The following SAP130 variants were observed in gnomAD, a reference collection of about 807,000 sequenced individuals.
The protein encoded by SAP130 is histone deacetylase complex subunit SAP130.
Under a neutral mutation model 103.2 loss-of-function variants are expected in SAP130, and 16 were observed. The ratio of observed to expected loss-of-function variants is 0.16; its 90% CI spans 0.10 to 0.24. The LOEUF (loss-of-function observed/expected upper bound fraction) is 0.24, where lower values mean the gene tolerates loss of function less well. Ranked by LOEUF, SAP130 falls within the 10% of genes least tolerant of loss-of-function variation. The pLI is 1.00. For missense variants in SAP130, 990 were observed against 1,359.7 expected (o/e 0.73, Z 4.28); for synonymous variants, 477 against 497.0 (o/e 0.96, Z 0.53).
chr2:127,998,220 C>T (rs4662764), intron 10 of SAP130, among the ~76,000 whole-genome samples: 59,783 of 152,058 alleles, frequency 0.39, 14,297 homozygotes, highest in Non-Finnish European at 0.52. Flanking sequence ...AAAACTTATC[C>T]CTATTTTCTG....
In SAP130 at chr2:127,955,057, A is replaced by G; in HGVS notation, c.2351T>C (p.Leu784Ser). 1.2e-6 allele frequency: 2 copies of G among 1,614,112 alleles called. No individual in the cohort carries two copies. Among genetic ancestry groups the G allele is most frequent in the Non-Finnish European group, 1.7e-6 (2 of 1,179,990 alleles). The change falls in exon 16 of 21, where the codon TTG becomes TCG. Residue 784 changes from leucine (L) to serine (S), a missense_variant. Leu to Ser is a moderately radical substitution (Grantham distance 145, BLOSUM62 -2). This residue lies in a region of SAP130 where 349 missense variants were observed against 384.1 expected (regional missense o/e 0.91). Transcript: ENST00000643581. The surrounding 1 kb of genome is among the most constrained non-coding windows in gnomAD (Gnocchi z 4.9). ...VTVGGSLSSV[L>S]GPPVPEIKVK... ...TTTAATTTCAGGAACGGGAGGGCCC[A>G]AGACGGAGGAAAGACTGCCACCCAC...
chr2:128,023,930 C>T (rs549962786), intron 2 of SAP130, among the ~76,000 whole-genome samples: 44,281 of 151,750 alleles, frequency 0.29, 7,330 homozygotes, highest in African/African-American at 0.47. Context: ...TAATAATATT[C>T]TCTAGAATAT....
intron 15 of SAP130, among the ~76,000 whole-genome samples, chr2:127,977,423 A>G (rs767235597): frequency 6.6e-6 from 1 of 151,722 alleles, no homozygotes; most frequent in Non-Finnish European, 1.5e-5. Context: ...TTGCTTGAAC[A>G]TGGGAGGCCG....
At chr2:128,015,544 T>TC (rs1684711380) in intron 4 of SAP130, among the ~76,000 whole-genome samples, 1 of 152,104 alleles carries the variant, frequency 6.6e-6, no homozygotes. Flanking sequence ...TTAGTTTTTT[T>TC]CCCCAGGTAA....
At position 127,955,379 on chromosome 2, in the gene SAP130, A is replaced by G. The variant is rs546701840; in HGVS notation, c.2064-35T>C. On this transcript the variant is annotated intron_variant, in intron 15 of 20. Transcript: ENST00000643581. This position sits in a 1 kb window ranked among gnomAD's most constrained non-coding sequence, Gnocchi z 4.9. ...AAAAGAAAAGCACATGTAGCAAATAAGAAAAAAACTGCCTTCATCTACAAC... is the reference window on the plus strand; with the variant it reads ...AAAAGAAAAGCACATGTAGCAAATAGGAAAAAAACTGCCTTCATCTACAAC... 2 of 1,443,798 alleles carry G rather than the reference A, an allele frequency of 1.4e-6. No individual in the cohort carries two copies. The highest frequency in any genetic ancestry group is 2.7e-5 in the South Asian group (2 of 74,000). The allele number at this position is 1,443,798 out of a possible 1,614,324, so 89.4% of individuals were successfully genotyped here.
chr2:127,998,221 C>T (rs947001679), intron 10 of SAP130, among the ~76,000 whole-genome samples: 1 of 152,158 alleles, frequency 6.6e-6, no homozygotes, highest in Admixed American at 6.5e-5. Flanking sequence ...AAACTTATCC[C>T]TATTTTCTGA....
In SAP130 at chr2:127,987,386, G is replaced by A. The variant is rs377416484; in HGVS notation, c.1781-424C>T. On this transcript the variant is annotated intron_variant, in intron 13 of 20. Coordinates refer to ENST00000643581, the MANE Select transcript of SAP130 (RefSeq NM_001330301.2). The stretch of plus-strand genomic sequence containing the variant: ...TTTTTAGTAGAGACGGGGTTTCACC[G>A]TGTTGGCCAGGCTAGTCTCGAATTC... Among the ~76,000 whole-genome samples the A allele has an allele frequency of 4.9e-3, 740 of 151,862 alleles. 7 individuals are homozygous for A. The highest frequency in any genetic ancestry group is 0.016 in the African/African-American group (657 of 41,430).
chr2:127,966,780 G>C (rs953457664), intron 15 of SAP130, among the ~76,000 whole-genome samples: 4 of 152,070 alleles, frequency 2.6e-5, no homozygotes, highest in African/African-American at 9.7e-5. Flanking sequence ...ATTTCAATTT[G>C]TTTACCTTTG....
At chr2:127,971,802 T>C (rs1486596938) in intron 15 of SAP130, among the ~76,000 whole-genome samples, 3 of 152,234 alleles carry the variant, frequency 2.0e-5, no homozygotes, top group African/African-American at 7.2e-5. Context: ...TTTAAATTCA[T>C]GGTGGCATGT....
In SAP130 at chr2:127,996,521, C is replaced by A; in HGVS notation, c.1214-30G>T. On this transcript the variant is annotated intron_variant, in intron 10 of 20. Transcript: ENST00000643581. The surrounding 1 kb of genome is among the most constrained non-coding windows in gnomAD (Gnocchi z 4.3). ...AAACAGTAAATGCCAATTCCATGAC[C>A]ATTCTACACTTTTTTTTGGCATGCC... 1 of 1,435,214 alleles carries A rather than the reference C, an allele frequency of 7.0e-7. No homozygotes were observed. Among genetic ancestry groups the A allele is most frequent in the Non-Finnish European group, 9.3e-7 (1 of 1,080,300 alleles). The allele number at this position is 1,435,214 out of a possible 1,614,324, so 88.9% of individuals were successfully genotyped here. A position where few individuals can be genotyped will look rare whatever the true frequency, so the allele number is the denominator to read the frequency against.
intron 15 of SAP130, among the ~76,000 whole-genome samples, chr2:127,970,187 C>G (rs1202735213): frequency 6.9e-6 from 1 of 144,768 alleles, no homozygotes; most frequent in East Asian, 2.0e-4. Context: ...GAGATTACCT[C>G]ACTGCACTCC....
chr2:127,962,179 A>G (rs998316750), intron 15 of SAP130, among the ~76,000 whole-genome samples: 1 of 152,222 alleles, frequency 6.6e-6, no homozygotes, highest in Non-Finnish European at 1.5e-5. Flanking sequence ...CTCTTCCAAC[A>G]GCATATTTCA....
chr2:128,011,370 T>A (rs951194885), intron 6 of SAP130, among the ~76,000 whole-genome samples: 4 of 152,260 alleles, frequency 2.6e-5, no homozygotes, highest in Non-Finnish European at 5.9e-5. Context: ...CCCACCATTA[T>A]TCTTCGAATC....
Position 127,953,622 on chromosome 2 carries a change from C to G in SAP130, c.2422+1364G>C, listed in dbSNP as rs1318515673. ...TACTTAGCTCCAGCGACCTTTGGTT[C>G]TTTGCTATATTTTGAGCACATCACG... On this transcript the variant is annotated intron_variant, in intron 16 of 20. Coordinates refer to ENST00000643581, the MANE Select transcript of SAP130 (RefSeq NM_001330301.2). The surrounding 1 kb of genome is among the most constrained non-coding windows in gnomAD (Gnocchi z 4.0). Among the ~76,000 whole-genome samples the G allele has an allele frequency of 6.6e-6, 1 of 152,182 alleles. No individual in the cohort carries two copies. The highest frequency in any genetic ancestry group is 1.5e-5 in the Non-Finnish European group (1 of 68,028).
At chr2:128,012,668 A>G (rs1684482837) in intron 6 of SAP130, among the ~76,000 whole-genome samples, 1 of 152,018 alleles carries the variant, frequency 6.6e-6, no homozygotes, top group Admixed American at 6.6e-5. Context: ...ATATACATAG[A>G]TATACACCTA....
intron 7 of SAP130, among the ~76,000 whole-genome samples, chr2:128,002,213 G>A (rs541941113): frequency 3.3e-5 from 5 of 152,122 alleles, no homozygotes; most frequent in African/African-American, 4.8e-5. Context: ...CAATGTGCCC[G>A]GCCAAAACTT....
chr2:128,009,165 ACT>A (rs1179172847), intron 7 of SAP130, among the ~76,000 whole-genome samples: 1 of 151,726 alleles, frequency 6.6e-6, no homozygotes, highest in East Asian at 1.9e-4. Context: ...AATCTTCTTG[ACT>A]CTATCCTTCA....
chr2:127,955,144 C>T lies in SAP130; in HGVS notation c.2264G>A (p.Gly755Glu), dbSNP rs997183192. The T allele has an allele frequency of 6.2e-7, 1 of 1,614,076 alleles. No individual in the cohort carries two copies. The highest frequency in any genetic ancestry group is 8.5e-7 in the Non-Finnish European group (1 of 1,180,008). ...GATGGGTGGAGTGATGGGGACCGCT[C>T]CAGGAATGGTTGAAAGGGCAACGGC... ...QPAVALSTIP[G>E]AVPITPPITT... The change falls in exon 16 of 21, where the codon GGA becomes GAA. Residue 755 changes from glycine (G) to glutamate (E), a missense_variant. Coordinates refer to ENST00000643581, the MANE Select transcript of SAP130 (RefSeq NM_001330301.2). This position sits in a 1 kb window ranked among gnomAD's most constrained non-coding sequence, Gnocchi z 4.9.
Position 127,955,244 on chromosome 2 carries a change from C to T in SAP130, c.2164G>A (p.Val722Ile), listed in dbSNP as rs150390711. The change falls in exon 16 of 21, where the codon GTC becomes ATC. Residue 722 changes from valine to isoleucine, a missense_variant. By Grantham distance (29) the Val-to-Ile change is conservative (BLOSUM62 3). This residue lies in a region of SAP130 where 349 missense variants were observed against 384.1 expected (regional missense o/e 0.91). Transcript: ENST00000643581. This position sits in a 1 kb window ranked among gnomAD's most constrained non-coding sequence, Gnocchi z 4.9. The stretch of plus-strand genomic sequence containing the variant: ...GGGGGCTGCTGGGCAGTTGGAGGGA[C>T]GGCAATGGTAGGCTGATCATTATTT... The part of the protein sequence containing the change: ...NQNNDQPTIA[V>I]PPTAQQPPPT... 6.2e-5 allele frequency: 100 copies of T among 1,613,982 alleles called. No individual in the cohort carries two copies. The highest frequency in any genetic ancestry group is 1.7e-4 in the Middle Eastern group (1 of 6,060).
Sources: allele counts gnomAD v4.1 joint callset (sites outside exome capture counted in the v4.1 genomes callset), GRCh38; gene constraint gnomAD v4.1.1; regional missense constraint gnomAD v4.1.1; non-coding constraint Gnocchi (gnomAD v3.1); transcripts MANE v1.5; gene names NCBI Gene and HGNC (gene_info 2026-07-23, HGNC 2026-07-21).